Variants in ADH1C observed in about 807,000 individuals in gnomAD.
ADH1C encodes the protein alcohol dehydrogenase 1C (class I), gamma polypeptide, also known as alcohol dehydrogenase 1C.
Under a neutral mutation model 35.0 loss-of-function variants are expected in ADH1C, and 26 were observed. That is an observed-to-expected ratio of 0.74 (90% CI 0.54 to 1.03). The LOEUF is 1.03. ADH1C is among the 50% of genes least tolerant of loss of function. ADH1C has a pLI of 0.00. For missense variants in ADH1C, 413 were observed against 465.4 expected (o/e 0.89, Z 1.04); for synonymous variants, 170 against 169.3 (o/e 1.00, Z -0.03).
chr4:99,338,117 T>A (rs955204916), intron 8 of ADH1C, among the ~76,000 whole-genome samples: 2 of 151,658 alleles, frequency 1.3e-5, no homozygotes, highest in Non-Finnish European at 2.9e-5. Context: ...TATCAATTAC[T>A]ATGAAAGTAT....
chr4:99,340,729 T>C lies in ADH1C; in HGVS notation c.829-19A>G. 2 of 1,612,072 alleles carry C rather than the reference T, an allele frequency of 1.2e-6. No individual in the cohort carries two copies. Among genetic ancestry groups the C allele is most frequent in the Non-Finnish European group, 8.5e-7 (1 of 1,179,908 alleles). On this transcript the variant is annotated intron_variant, in intron 6 of 8. Transcript: ENST00000515683. ...AAGCCATCTGGAATAAAGTGAACAT[T>C]TAGTATCCTTAACGTGGAGTGGCAT... is the stretch of plus-strand genomic sequence containing the variant.
In ADH1C at chr4:99,339,635, T is replaced by G; in HGVS notation, c.1045A>C (p.Asn349His). 6.2e-7 allele frequency: 1 copy of G among 1,611,696 alleles called. No homozygotes were observed. Among genetic ancestry groups the G allele is most frequent in the Non-Finnish European group, 8.5e-7 (1 of 1,178,788 alleles). The part of the protein sequence containing the change: ...KKFSLDALIT[N>H]ILPFEKINEG... ...TTTATTTTTTCAAAAGGTAAAATAT[T>G]TGTTATTAATGCATCCAGTGAAAAC... The change falls in exon 8 of 9, where the codon AAT becomes CAT. Residue 349 changes from asparagine (N) to histidine (H), a missense_variant. Coordinates refer to ENST00000515683, the MANE Select transcript of ADH1C (RefSeq NM_000669.5).
intron 2 of ADH1C, 106 bp from the exon 3 acceptor site, chr4:99,347,250 G>T (rs1734558147): frequency 7.1e-7 from 1 of 1,406,124 alleles, no homozygotes; most frequent in South Asian, 1.4e-5. Context: ...ATTCTCAAGG[G>T]TTTTGCTGAT....
Position 99,336,542 on chromosome 4 carries a change from TC to T in ADH1C, c.*209del. The T allele has an allele frequency of 1.6e-6, 1 of 644,316 alleles. No homozygotes were observed. The highest frequency in any genetic ancestry group is 2.7e-6 in the Non-Finnish European group (1 of 376,828). 39.9% of individuals were successfully genotyped at this position (644,316 alleles called of 1,614,324 possible). ...TTGGCTTCAATTCCCCAGTTGATGTTCAACACTTTATTTAGTTCTCATTTGG... is the reference window on the plus strand; with the variant it reads ...TTGGCTTCAATTCCCCAGTTGATGTTAACACTTTATTTAGTTCTCATTTGG... On this transcript the variant is annotated 3_prime_UTR_variant, in exon 9 of 9. Transcript: ENST00000515683.
intron 1 of ADH1C, among the ~76,000 whole-genome samples, chr4:99,348,230 C>T (rs1043076246): frequency 2.6e-4 from 39 of 150,192 alleles, no homozygotes; most frequent in African/African-American, 8.6e-4. Context: ...CACCCACTAA[C>T]TCGTCATCTA....
intron 5 of ADH1C, among the ~76,000 whole-genome samples, chr4:99,344,436 A>T (rs988340921): frequency 8.1e-4 from 124 of 152,164 alleles, no homozygotes; most frequent in African/African-American, 2.8e-3. Context: ...GTTGATCCTA[A>T]TTCTGGGAGG....
chr4:99,347,047 ATGCCGGCTGCCTCAT>A lies in ADH1C; in HGVS notation c.203_217del (p.His68_Ile73delinsLeu). ...CACCCCTTCTCCAACACTTTCCACG[ATGCCGGCTGCCTCAT>A]GGCCTAAAATCACAGGAAGGGGGGT... On this transcript the variant is annotated inframe_deletion, in exon 3 of 9. Transcript: ENST00000515683. 1 of 1,614,074 alleles carries A rather than the reference ATGCCGGCTGCCTCAT, an allele frequency of 6.2e-7. No individual in the cohort carries two copies. Among genetic ancestry groups the A allele is most frequent in the Non-Finnish European group, 8.5e-7 (1 of 1,180,024 alleles).
chr4:99,345,337 A>C, intron 3 of ADH1C, 71 bp from the exon 4 acceptor site: 1 of 1,394,244 alleles, frequency 7.2e-7, no homozygotes, highest in Non-Finnish European at 9.9e-7. Context: ...CTTAACGCTC[A>C]CATGTATAGA....
intron 1 of ADH1C, among the ~76,000 whole-genome samples, chr4:99,349,845 T>A (rs1044175847): frequency 7.5e-6 from 1 of 133,034 alleles, no homozygotes; most frequent in Admixed American, 7.3e-5. Context: ...ACCACACACA[T>A]GTATTTAAAA....
intron 8 of ADH1C, among the ~76,000 whole-genome samples, chr4:99,337,491 T>G (rs3910713): frequency 0.079 from 12,081 of 152,194 alleles, 579 homozygotes; most frequent in Non-Finnish European, 0.1. Context: ...AGATTAGAAA[T>G]GTAACATTTA....
intron 3 of ADH1C, among the ~76,000 whole-genome samples, chr4:99,346,651 G>C (rs1310456581): frequency 6.6e-6 from 1 of 151,646 alleles, no homozygotes; most frequent in Non-Finnish European, 1.5e-5. Flanking sequence ...ATAGTTTTTT[G>C]GGCACTTACA....
intron 5 of ADH1C, among the ~76,000 whole-genome samples, chr4:99,343,850 T>C (rs1734468500): frequency 6.6e-6 from 1 of 152,180 alleles, no homozygotes; most frequent in Admixed American, 6.5e-5. Flanking sequence ...AGCGGTTATT[T>C]ACTAAACCTA....
chr4:99,351,459 G>A (rs1325543518), intron 1 of ADH1C, among the ~76,000 whole-genome samples: 2 of 152,102 alleles, frequency 1.3e-5, no homozygotes, highest in African/African-American at 4.8e-5. Context: ...TATTTCATCA[G>A]TTATTATTTT....
intron 1 of ADH1C, among the ~76,000 whole-genome samples, chr4:99,350,529 A>G (rs1734649991): frequency 6.6e-6 from 1 of 152,184 alleles, no homozygotes; most frequent in African/African-American, 2.4e-5. Context: ...ACTTAAAATA[A>G]TGGCCTTCAG....
rs759663608 is a variant in ADH1C at position 99,340,623 on chromosome 4, G to A, written c.916C>T (p.Pro306Ser). The change falls in exon 7 of 9, where the codon CCT becomes TCT. Residue 306 changes from proline (P) to serine (S), a missense_variant. By Grantham distance (74) the Pro-to-Ser change is moderately conservative. Transcript: ENST00000515683. Reference protein sequence around the residue: ...PPDSQNLSINPMLLLTGRTWK... With the variant: ...PPDSQNLSINSMLLLTGRTWK... ...GTGCGTCCAGTCAGTAGCAGCATAG[G>A]GTTTATTGAGAGGTTCTGGGAATCA... 10 of 1,613,862 alleles carry A rather than the reference G, an allele frequency of 6.2e-6. No homozygotes were observed. Among genetic ancestry groups the A allele is most frequent in the Non-Finnish European group, 7.6e-6 (9 of 1,180,036 alleles).
At position 99,336,583 on chromosome 4, in the gene ADH1C, C is replaced by A. The variant is rs1734281760; in HGVS notation, c.*169G>T. ...TTCTCATTTGGATTTTAAACATTTG[C>A]TTGACAAATAATTTCCCATCAATTT... On this transcript the variant is annotated 3_prime_UTR_variant, in exon 9 of 9. Transcript: ENST00000515683. The A allele has an allele frequency of 5.9e-6, 5 of 853,038 alleles. No individual in the cohort carries two copies. In the East Asian group the frequency reaches 1.3e-4, roughly 23 times the overall value. The allele number at this position is 853,038 out of a possible 1,614,324, so 52.8% of individuals were successfully genotyped here. A position where few individuals can be genotyped will look rare whatever the true frequency, so the allele number is the denominator to read the frequency against.
Position 99,340,569 on chromosome 4 carries a change from A to G in ADH1C, c.964+6T>C, listed in dbSNP as rs1734388697. ...GAGAATTTGGCTCTGAAGCCTAACTACATACCTCCAAAAATAGCTCCTTTC... is the reference window on the plus strand; with the variant it reads ...GAGAATTTGGCTCTGAAGCCTAACTGCATACCTCCAAAAATAGCTCCTTTC... On this transcript the variant is annotated splice_donor_region_variant and intron_variant, in intron 7 of 8. Coordinates refer to ENST00000515683, the MANE Select transcript of ADH1C (RefSeq NM_000669.5). 2.5e-6 allele frequency: 4 copies of G among 1,614,040 alleles called. No individual in the cohort carries two copies. Among genetic ancestry groups the G allele is most frequent in the Admixed American group, 3.3e-5 (2 of 60,010 alleles).
At chr4:99,336,850 T>C (rs1612735) in intron 8 of ADH1C, 74 bp from the exon 9 acceptor site, 606,620 of 1,592,616 alleles carry the variant, frequency 0.38, 123,191 homozygotes, top group Non-Finnish European at 0.41. Context: ...GTCCAAGGAG[T>C]ATTTGAGGTG....
At chr4:99,350,300 G>A (rs1329593070) in intron 1 of ADH1C, among the ~76,000 whole-genome samples, 4 of 152,036 alleles carry the variant, frequency 2.6e-5, no homozygotes, top group African/African-American at 4.8e-5. Context: ...AGTTTTTGGG[G>A]TGCAGGTTGT....
Sources: allele counts gnomAD v4.1 joint callset (sites outside exome capture counted in the v4.1 genomes callset), GRCh38; gene constraint gnomAD v4.1.1; transcripts MANE v1.5; gene names NCBI Gene and HGNC (gene_info 2026-07-23, HGNC 2026-07-21).